The following DOCK10 variants were observed in gnomAD, a reference collection of about 807,000 sequenced individuals.
DOCK10 encodes dedicator of cytokinesis protein 10.
Under a neutral mutation model 280.1 loss-of-function variants are expected in DOCK10, and 145 were observed. The ratio of observed to expected loss-of-function variants is 0.52; its 90% confidence interval spans 0.45 to 0.59. DOCK10 has a LOEUF of 0.59. Among genes scored for constraint, DOCK10 ranks in the 20% least tolerant of loss-of-function variants. The pLI, the probability that DOCK10 is intolerant of heterozygous loss-of-function variation, is 0.00. For synonymous variants in DOCK10, 915 were observed against 942.2 expected (o/e 0.97, Z 0.53); for missense variants, 2,368 against 2,651.7 (o/e 0.89, Z 2.35).
chr2:225,000,614 G>A (rs1445106815), intron 1 of DOCK10, among the ~76,000 whole-genome samples: 2 of 152,220 alleles, frequency 1.3e-5, no homozygotes, highest in African/African-American at 4.8e-5. Flanking sequence ...TGACAGTAGT[G>A]ACTCTACGAG....
intron 1 of DOCK10, among the ~76,000 whole-genome samples, chr2:225,002,065 C>T (rs1706445525): frequency 6.6e-6 from 1 of 152,174 alleles, no homozygotes. Flanking sequence ...CATATGGCTT[C>T]TCAGAGTCTA....
At chr2:224,946,199 A>G (rs1703409245) in intron 1 of DOCK10, among the ~76,000 whole-genome samples, 1 of 152,224 alleles carries the variant, frequency 6.6e-6, no homozygotes, top group South Asian at 2.1e-4. Flanking sequence ...CAGTTTATAG[A>G]TCTGTAAAGT....
At chr2:224,948,913 T>C (rs1387794608) in intron 1 of DOCK10, among the ~76,000 whole-genome samples, 1 of 152,236 alleles carries the variant, frequency 6.6e-6, no homozygotes, top group African/African-American at 2.4e-5. Context: ...TTTTGTCCTC[T>C]ATTCCTCTTT....
chr2:224,947,254 A>G (rs1575101098), intron 1 of DOCK10, among the ~76,000 whole-genome samples: 1 of 152,340 alleles, frequency 6.6e-6, no homozygotes, highest in South Asian at 2.1e-4. Flanking sequence ...TAAATAAACC[A>G]TATGATGTAA....
At chr2:224,988,363 C>A (rs16866408) in intron 1 of DOCK10, among the ~76,000 whole-genome samples, 1 of 152,118 alleles carries the variant, frequency 6.6e-6, no homozygotes, top group East Asian at 1.9e-4. Flanking sequence ...GGAGTACATG[C>A]TCAATGAATA....
At chr2:224,856,815 A>G (rs753855932) in intron 15 of DOCK10, 45 bp downstream of exon 15, 3 of 1,527,980 alleles carry the variant, frequency 2.0e-6, no homozygotes, top group Admixed American at 1.9e-5. Flanking sequence ...TAAAAAATCA[A>G]CATGGCTGAT....
At chr2:224,821,102 T>C (rs549149932) in intron 28 of DOCK10, among the ~76,000 whole-genome samples, 1 of 152,190 alleles carries the variant, frequency 6.6e-6, no homozygotes, top group Admixed American at 6.5e-5. Context: ...AGTTGAGAAA[T>C]GTACAAGCTT....
chr2:224,826,978 A>G (rs960714416), intron 27 of DOCK10, among the ~76,000 whole-genome samples: 1 of 150,404 alleles, frequency 6.6e-6, no homozygotes, highest in Admixed American at 6.6e-5. Flanking sequence ...GGAAAAAAAA[A>G]TGGGCCATGC....
intron 14 of DOCK10, among the ~76,000 whole-genome samples, chr2:224,858,864 T>C (rs1305965666): frequency 6.6e-6 from 1 of 152,148 alleles, no homozygotes; most frequent in Non-Finnish European, 1.5e-5. Flanking sequence ...ACCCTTTGTG[T>C]AAGCTTTTCG....
chr2:224,888,200 T>C (rs1345334278), intron 4 of DOCK10, among the ~76,000 whole-genome samples: 1 of 151,034 alleles, frequency 6.6e-6, no homozygotes, highest in Non-Finnish European at 1.5e-5. Flanking sequence ...AAGAGAATGT[T>C]TAATATATTA....
At chr2:224,958,411 A>G (rs1459837972) in intron 1 of DOCK10, among the ~76,000 whole-genome samples, 1 of 152,170 alleles carries the variant, frequency 6.6e-6, no homozygotes, top group East Asian at 1.9e-4. Context: ...TTCAGAAAGG[A>G]AGGGAGTAGC....
chr2:224,773,037 T>A, intron 53 of DOCK10, 120 bp downstream of exon 53: 1 of 860,274 alleles, frequency 1.2e-6, no homozygotes, highest in East Asian at 2.7e-5. Context: ...CAGATAAAGG[T>A]GTTCTATTCT....
intron 24 of DOCK10, among the ~76,000 whole-genome samples, chr2:224,838,443 A>T (rs1695732608): frequency 6.6e-6 from 1 of 152,166 alleles, no homozygotes; most frequent in African/African-American, 2.4e-5. Flanking sequence ...ATATCTCAGA[A>T]TTTCAACAGA....
At chr2:224,835,120 A>T (rs917756561) in intron 25 of DOCK10, among the ~76,000 whole-genome samples, 27 of 152,316 alleles carry the variant, frequency 1.8e-4, no homozygotes, top group African/African-American at 6.5e-4. Context: ...ATTGGCACCT[A>T]ACTTGTCATG....
intron 1 of DOCK10, among the ~76,000 whole-genome samples, chr2:224,961,412 CTCTTTCTTTCTTTCTTTCTTTCTTTCTT>C (rs561597716): frequency 2.5e-5 from 3 of 119,464 alleles, no homozygotes; most frequent in East Asian, 2.5e-4. Context: ...TTCTTTCTTT[CTCTTTCTTTCTTTCTTTCTTTCTTTCTT>C]TCTTTCTTTC....
intron 2 of DOCK10, among the ~76,000 whole-genome samples, chr2:224,930,847 T>C (rs1702320563): frequency 1.3e-5 from 2 of 152,254 alleles, no homozygotes; most frequent in Middle Eastern, 3.2e-3. Context: ...GTTTGACAGT[T>C]AGATATTAGA....
At chr2:224,862,162 A>C (rs1251954443) in intron 14 of DOCK10, 2 of 152,650 alleles carry the variant, frequency 1.3e-5, no homozygotes, top group Non-Finnish European at 2.9e-5. Flanking sequence ...GGTACTGATA[A>C]ATTTGGCTGG....
intron 24 of DOCK10, among the ~76,000 whole-genome samples, chr2:224,838,121 G>A (rs543087052): frequency 6.6e-6 from 1 of 152,330 alleles, no homozygotes; most frequent in South Asian, 2.1e-4. Context: ...TTTTGTCCAA[G>A]TTGAATGTGC....
intron 1 of DOCK10, among the ~76,000 whole-genome samples, chr2:224,981,843 G>A (rs1176481261): frequency 2.0e-5 from 3 of 152,100 alleles, no homozygotes; most frequent in African/African-American, 4.8e-5. Context: ...TTTAAAAAAC[G>A]CCCATTTTGG....
Sources: allele counts gnomAD v4.1 joint callset (sites outside exome capture counted in the v4.1 genomes callset), GRCh38; gene constraint gnomAD v4.1.1; transcripts MANE v1.5; gene names NCBI Gene and HGNC (gene_info 2026-07-23, HGNC 2026-07-21).